Variants in ARHGEF10 observed in about 807,000 individuals in gnomAD.
The protein encoded by ARHGEF10 is Rho guanine nucleotide exchange factor 10.
ARHGEF10 carries 140 observed loss-of-function variants against 147.4 expected under a neutral mutation model. The observed-to-expected ratio is 0.95, with a 90% CI of 0.83 to 1.09. The LOEUF (loss-of-function observed/expected upper bound fraction) is 1.09. Ranked by LOEUF, ARHGEF10 falls within the 50% of genes least tolerant of loss-of-function variation. ARHGEF10 has a pLI of 0.00. For synonymous variants in ARHGEF10, 902 were observed against 695.8 expected (o/e 1.30, Z -4.67); for missense variants, 2,222 against 1,752.7 (o/e 1.27, Z -4.78).
chr8:1,859,847 G>A, intron 3 of ARHGEF10, 50 bp from the exon 4 acceptor site: 1 of 1,610,324 alleles, frequency 6.2e-7, no homozygotes, highest in Non-Finnish European at 8.5e-7. Flanking sequence ...GGGCATGCCT[G>A]CCATGCCCTT....
intron 15 of ARHGEF10, among the ~76,000 whole-genome samples, chr8:1,900,609 C>T (rs140804597): frequency 2.4e-3 from 359 of 152,228 alleles, no homozygotes; most frequent in African/African-American, 7.8e-3. Context: ...CACACTGCGC[C>T]GTTTACAAAT....
intron 1 of ARHGEF10, among the ~76,000 whole-genome samples, chr8:1,836,876 G>A (rs1368102825): frequency 2.0e-5 from 3 of 152,112 alleles, no homozygotes; most frequent in Non-Finnish European, 2.9e-5. Flanking sequence ...AGATCTGATG[G>A]GTTTATCAGG....
At chr8:1,838,818 C>G (rs754284240) in intron 1 of ARHGEF10, among the ~76,000 whole-genome samples, 1 of 150,720 alleles carries the variant, frequency 6.6e-6, no homozygotes, top group African/African-American at 2.5e-5. Flanking sequence ...GCGTGGATGC[C>G]GTCCAGTGTG....
chr8:1,875,298 GAC>G (rs375207890), intron 7 of ARHGEF10, among the ~76,000 whole-genome samples: 114 of 152,112 alleles, frequency 7.5e-4, no homozygotes, highest in African/African-American at 2.6e-3. Flanking sequence ...GAACAGTGGA[GAC>G]ACACACTGGG....
intron 2 of ARHGEF10, among the ~76,000 whole-genome samples, chr8:1,854,382 G>A (rs1276012574): frequency 6.6e-6 from 1 of 152,258 alleles, no homozygotes; most frequent in Non-Finnish European, 1.5e-5. Context: ...GCAGCCTCAG[G>A]TGGTTACATT....
At chr8:1,951,392 G>C (rs1057450124) in intron 27 of ARHGEF10, among the ~76,000 whole-genome samples, 2 of 152,230 alleles carry the variant, frequency 1.3e-5, no homozygotes, top group African/African-American at 4.8e-5. Flanking sequence ...AAGTCACGCC[G>C]ACCAGGCCAA....
chr8:1,934,051 C>A, intron 26 of ARHGEF10, 109 bp downstream of exon 26: 4 of 1,468,792 alleles, frequency 2.7e-6, no homozygotes, highest in Non-Finnish European at 9.4e-7. Context: ...AAATTTCCTT[C>A]TAGCCGGGCA....
chr8:1,913,525 C>T (rs1349162926), intron 18 of ARHGEF10, among the ~76,000 whole-genome samples: 1 of 152,218 alleles, frequency 6.6e-6, no homozygotes, highest in African/African-American at 2.4e-5. Context: ...GTGTTCCTCG[C>T]TGTAAGGTCA....
intron 15 of ARHGEF10, 101 bp downstream of exon 15, chr8:1,898,626 G>A (rs1227699026): frequency 5.9e-6 from 7 of 1,188,596 alleles, no homozygotes; most frequent in Admixed American, 1.9e-5. Context: ...GCTGCCCCTC[G>A]GGCCTCCTCA....
chr8:1,899,844 G>A (rs999732379), intron 15 of ARHGEF10, among the ~76,000 whole-genome samples: 5 of 152,222 alleles, frequency 3.3e-5, no homozygotes, highest in Non-Finnish European at 5.9e-5. Context: ...GTGTGAGGGA[G>A]TCTGGCGCTT....
intron 15 of ARHGEF10, among the ~76,000 whole-genome samples, chr8:1,902,831 G>A (rs12679580): frequency 0.19 from 28,473 of 152,102 alleles, 2,946 homozygotes; most frequent in East Asian, 0.4. Flanking sequence ...CGATCCTGCT[G>A]TGTGAGTTGA....
At chr8:1,865,806 C>A (rs918226785) in intron 5 of ARHGEF10, among the ~76,000 whole-genome samples, 1 of 152,210 alleles carries the variant, frequency 6.6e-6, no homozygotes, top group Non-Finnish European at 1.5e-5. Flanking sequence ...CCGGTCTTGG[C>A]CTTCCCAGCA....
chr8:1,897,389 G>T (rs561691743), intron 14 of ARHGEF10, among the ~76,000 whole-genome samples: 2 of 150,206 alleles, frequency 1.3e-5, no homozygotes, highest in Non-Finnish European at 3.0e-5. Context: ...GGATCGGATC[G>T]CAGTTCCCCC....
rs1273419481 is a variant in ARHGEF10 at position 1,824,022 on chromosome 8, G to T, written c.-139G>T. On this transcript the variant is annotated 5_prime_UTR_variant, in exon 1 of 29. Transcript: ENST00000349830. The stretch of plus-strand genomic sequence containing the variant: ...GACGCGGGGGACGGCGGGGAACGGC[G>T]GGGGACGGCGGGGAACAGCGGGGGA... The T allele has an allele frequency of 5.2e-5, 5 of 96,356 alleles. No individual in the cohort carries two copies. Among genetic ancestry groups the T allele is most frequent in the Admixed American group, 9.5e-5 (1 of 10,536 alleles). 6.0% of individuals were successfully genotyped at this position (96,356 alleles called of 1,614,324 possible).
At chr8:1,836,130 G>A (rs1254708340) in intron 1 of ARHGEF10, among the ~76,000 whole-genome samples, 1 of 151,302 alleles carries the variant, frequency 6.6e-6, no homozygotes, top group Non-Finnish European at 1.5e-5. Flanking sequence ...GCAGTGAGCC[G>A]AGATTGTGCT....
chr8:1,899,875 G>C (rs895886486), intron 15 of ARHGEF10, among the ~76,000 whole-genome samples: 1 of 152,156 alleles, frequency 6.6e-6, no homozygotes, highest in Non-Finnish European at 1.5e-5. Flanking sequence ...GGGTCAGGCC[G>C]CCTGTTAGAC....
chr8:1,907,616 T>G (rs1811005835), intron 17 of ARHGEF10, among the ~76,000 whole-genome samples: 1 of 152,242 alleles, frequency 6.6e-6, no homozygotes, highest in African/African-American at 2.4e-5. Flanking sequence ...ATTCTCCCGC[T>G]GCCAGACGTG....
intron 3 of ARHGEF10, among the ~76,000 whole-genome samples, chr8:1,858,527 C>T (rs546036660): frequency 1.3e-5 from 2 of 152,292 alleles, no homozygotes; most frequent in East Asian, 3.9e-4. Context: ...AAAAGTATTG[C>T]TATTTCCCAA....
intron 1 of ARHGEF10, 151 bp from the exon 2 acceptor site, chr8:1,843,202 T>G: frequency 1.6e-6 from 1 of 640,714 alleles, no homozygotes; most frequent in Non-Finnish European, 2.8e-6. Flanking sequence ...TTACAAGTAT[T>G]CATGACTAAT....
Sources: allele counts gnomAD v4.1 joint callset (sites outside exome capture counted in the v4.1 genomes callset), GRCh38; gene constraint gnomAD v4.1.1; transcripts MANE v1.5; gene names NCBI Gene and HGNC (gene_info 2026-07-23, HGNC 2026-07-21).